Variants in STRN4 observed in about 807,000 individuals in gnomAD.
STRN4 encodes striatin-4.
In STRN4, 27 loss-of-function variants were observed where a neutral mutation model predicts 77.9. That is an observed-to-expected ratio of 0.35 (90% CI 0.26 to 0.48). The LOEUF (loss-of-function observed/expected upper bound fraction) is 0.48. Ranked by LOEUF, STRN4 falls within the 20% of genes least tolerant of loss-of-function variation. The probability of loss-of-function intolerance (pLI) is 0.99; values close to 1 mark genes in which losing one functional copy is unlikely to be tolerated. For missense variants in STRN4, 798 were observed against 1,049.7 expected, an observed-to-expected ratio of 0.76 and a Z score of 3.31; for synonymous variants, 466 against 443.1, an observed-to-expected ratio of 1.05 and a Z score of -0.65.
chr19:46,724,109 A>G (rs1338310656), intron 12 of STRN4, among the ~76,000 whole-genome samples: 1 of 152,032 alleles, frequency 6.6e-6, no homozygotes. Context: ...ATAGCTGGAT[A>G]TGGTGGTGCG....
At position 46,720,529 on chromosome 19, in the gene STRN4, C is replaced by T; in HGVS notation, c.*66+7G>A. ...AGAGACTCAGAATGCGGGGTTTCTG[C>T]CCTCACCTCAGCCCCACCTGCCCGG... On this transcript the variant is annotated splice_region_variant and intron_variant, in intron 17 of 17. Coordinates refer to ENST00000263280, the MANE Select transcript of STRN4 (RefSeq NM_013403.3). 1 of 1,450,648 alleles carries T rather than the reference C, an allele frequency of 6.9e-7. No homozygotes were observed. Among genetic ancestry groups the T allele is most frequent in the African/African-American group, 1.4e-5 (1 of 70,390 alleles). The allele number at this position is 1,450,648 out of a possible 1,614,324, so 89.9% of individuals were successfully genotyped here.
chr19:46,734,078 G>A (rs10414958), intron 4 of STRN4, among the ~76,000 whole-genome samples: 12,301 of 152,168 alleles, frequency 0.081, 1,462 homozygotes, highest in African/African-American at 0.26. Flanking sequence ...GTCTCATCCT[G>A]TGCGCCTGTG....
chr19:46,726,423 T>C (rs1336316482), intron 9 of STRN4, among the ~76,000 whole-genome samples: 1 of 148,588 alleles, frequency 6.7e-6, no homozygotes, highest in Admixed American at 6.7e-5. Flanking sequence ...GGCAGAACGA[T>C]CATTTGACCC....
chr19:46,729,887 A>C (rs313846), intron 6 of STRN4, among the ~76,000 whole-genome samples: 144,127 of 152,312 alleles, frequency 0.95, 68,244 homozygotes, highest in East Asian at 1. Flanking sequence ...AGTGTGGGCC[A>C]GAACTCACGC....
chr19:46,727,430 G>T (rs781588312), intron 9 of STRN4, 22 bp downstream of exon 9: 3 of 1,602,220 alleles, frequency 1.9e-6, no homozygotes, highest in South Asian at 2.2e-5. Context: ...GGGACAGTGT[G>T]GGGGGCACCC....
chr19:46,729,164 C>T (rs1172599272), intron 6 of STRN4, among the ~76,000 whole-genome samples: 1 of 152,186 alleles, frequency 6.6e-6, no homozygotes. Context: ...AGCATTGCAG[C>T]GATAAACACA....
intron 6 of STRN4, 57 bp from the exon 7 acceptor site, chr19:46,728,834 AC>A (rs1439656780): frequency 6.3e-7 from 1 of 1,591,822 alleles, no homozygotes; most frequent in African/African-American, 1.3e-5. Flanking sequence ...AGACTAAGCC[AC>A]CTCCGTGCCT....
chr19:46,736,189 C>T (rs1034715596), intron 4 of STRN4: 3 of 150,824 alleles, frequency 2.0e-5, no homozygotes, highest in Non-Finnish European at 4.4e-5. Context: ...GCAGGAGAAT[C>T]GTCTGAGGTG....
In STRN4 at chr19:46,720,728, C is replaced by G. The variant is rs573761424; in HGVS notation, c.2136G>C (p.Thr712=). The change falls in exon 17 of 18, where the codon ACG becomes ACC. Residue 712 remains threonine (T), a synonymous_variant. Transcript: ENST00000263280. ...SLRLWSLDNK[T]CVQEITAHRK... Reference sequence around the variant, plus strand: ...GGTGGGCCGTGATCTCCTGCACGCACGTTTTGTTGTCCAGGCTCCAGAGAC... The same window carrying G: ...GGTGGGCCGTGATCTCCTGCACGCAGGTTTTGTTGTCCAGGCTCCAGAGAC... The G allele has an allele frequency of 6.2e-7, 1 of 1,607,208 alleles. No homozygotes were observed. Among genetic ancestry groups the G allele is most frequent in the Admixed American group, 1.7e-5 (1 of 59,354 alleles).
At chr19:46,727,366 C>G in intron 9 of STRN4, 86 bp downstream of exon 9, 1 of 1,158,608 alleles carries the variant, frequency 8.6e-7, no homozygotes, top group African/African-American at 1.5e-5. Context: ...GAGCAGGGCA[C>G]GGGCGGCACC....
Position 46,730,735 on chromosome 19 carries a change from C to T in STRN4, c.876G>A (p.Val292=). The T allele has an allele frequency of 6.2e-7, 1 of 1,611,858 alleles. No homozygotes were observed. The highest frequency in any genetic ancestry group is 8.5e-7 in the Non-Finnish European group (1 of 1,180,004). The change falls in exon 6 of 18, where the codon GTG becomes GTA. Residue 292 remains valine (V), a synonymous_variant. Transcript: ENST00000263280. ...LDSVQHKKQR[V]KLPSKALVPE... The stretch of plus-strand genomic sequence containing the variant: ...AGGGCATGGAGGAAGGGCTCACCTT[C>T]ACACGCTGCTTCTTGTGCTGCACGC...
At chr19:46,729,246 C>T (rs1004396459) in intron 6 of STRN4, among the ~76,000 whole-genome samples, 3 of 152,214 alleles carry the variant, frequency 2.0e-5, no homozygotes, top group Non-Finnish European at 2.9e-5. Context: ...CTCGCAGACA[C>T]GACTTCACTT....
chr19:46,728,511 G>A (rs1381878491), intron 7 of STRN4, 107 bp downstream of exon 7: 5 of 1,398,896 alleles, frequency 3.6e-6, no homozygotes, highest in East Asian at 4.9e-5. Flanking sequence ...AAACATATCC[G>A]TCCGGTAGAG....
At chr19:46,725,752 CCTGG>C (rs2054096723) in intron 9 of STRN4, 104 bp from the exon 10 acceptor site, 2 of 1,431,540 alleles carry the variant, frequency 1.4e-6, no homozygotes, top group Non-Finnish European at 1.9e-6. Flanking sequence ...CCCACATGAC[CCTGG>C]CAGGAATGCC....
At position 46,722,793 on chromosome 19, in the gene STRN4, G is replaced by C. The variant is rs765423895; in HGVS notation, c.1906+17C>G. The C allele has an allele frequency of 1.2e-6, 2 of 1,613,084 alleles. No homozygotes were observed. Among genetic ancestry groups the C allele is most frequent in the Non-Finnish European group, 1.7e-6 (2 of 1,179,506 alleles). On this transcript the variant is annotated intron_variant, in intron 14 of 17. Coordinates refer to ENST00000263280, the MANE Select transcript of STRN4 (RefSeq NM_013403.3). ...GACACTGAGACCAATTCCATGAGCT[G>C]ATGTCAGCCCCCTTACCGCTGCTGC...
chr19:46,734,273 T>G (rs1468375951), intron 4 of STRN4, among the ~76,000 whole-genome samples: 1 of 152,184 alleles, frequency 6.6e-6, no homozygotes, highest in East Asian at 1.9e-4. Context: ...CACACAGAGA[T>G]CTCAGTGAGG....
At chr19:46,721,724 G>A (rs2053981540) in intron 16 of STRN4, 2 of 455,642 alleles carry the variant, frequency 4.4e-6, no homozygotes. Context: ...CTGGGCATCA[G>A]GGCCCACATC....
At chr19:46,744,782 C>T (rs2054544849) in intron 1 of STRN4, among the ~76,000 whole-genome samples, 1 of 151,852 alleles carries the variant, frequency 6.6e-6, no homozygotes, top group East Asian at 1.9e-4. Context: ...CTGCTACAAG[C>T]AGGTAATGAC....
At chr19:46,745,838 A>G (rs947474315) in intron 1 of STRN4, 4 of 265,626 alleles carry the variant, frequency 1.5e-5, no homozygotes, top group Non-Finnish European at 2.8e-5. Context: ...GCTCAGTCCC[A>G]GTCCCAGTCC....
Sources: gnomAD v4.1 joint callset for allele counts (sites outside exome capture counted in the v4.1 genomes callset) on GRCh38, gnomAD v4.1.1 for gene constraint, MANE v1.5 for transcripts, NCBI Gene and HGNC (gene_info 2026-07-23, HGNC 2026-07-21) for gene names.